SLC38A8: variants seen among roughly 807,000 people sequenced by gnomAD.
The protein encoded by SLC38A8 is solute carrier family 38 member 8, also known as amino acid transporter SLC38A8.
In SLC38A8, 65 loss-of-function variants were observed where a neutral mutation model predicts 46.0. That is an observed-to-expected ratio of 1.41 (90% confidence interval 1.16 to 1.74). The LOEUF is 1.74. Ranked by LOEUF, SLC38A8 falls within the 40% of genes most tolerant of loss-of-function variation. The pLI is 0.00. For missense variants in SLC38A8, 998 were observed against 567.9 expected, an observed-to-expected ratio of 1.76 and a Z score of -7.70; for synonymous variants, 447 against 243.7, an observed-to-expected ratio of 1.83 and a Z score of -7.77.
In SLC38A8 at chr16:84,016,523, G is replaced by C. The variant is rs1365105382; in HGVS notation, c.1158C>G (p.Phe386Leu). 2 of 1,613,530 alleles carry C rather than the reference G, an allele frequency of 1.2e-6. No homozygotes were observed. The highest frequency in any genetic ancestry group is 1.7e-6 in the Non-Finnish European group (2 of 1,179,664). ...CCTGGAAAGCAGGGGCCTCACCTGG[G>C]AAGATGAAGATGAAGAAGGAACTGA... Reference protein sequence around the residue: ...GGISSFFIFIFPGLCLICAMG... With the variant: ...GGISSFFIFILPGLCLICAMG... The change falls in exon 9 of 11, where the codon TTC (phenylalanine) becomes TTG (leucine). Residue 386 changes from phenylalanine to leucine, a missense_variant. Coordinates refer to ENST00000299709, the MANE Select transcript of SLC38A8 (RefSeq NM_001080442.3).
chr16:84,018,088 C>T (rs1278839220), intron 7 of SLC38A8, among the ~76,000 whole-genome samples: 1 of 152,120 alleles, frequency 6.6e-6, no homozygotes, highest in Non-Finnish European at 1.5e-5. Context: ...AAACTTACTT[C>T]CTACAGTTAT....
chr16:84,009,777 C>G lies in SLC38A8; in HGVS notation c.*7G>C, dbSNP rs1001819030. The G allele has an allele frequency of 1.8e-5, 29 of 1,612,934 alleles. No homozygotes were observed. Among genetic ancestry groups the G allele is most frequent in the Non-Finnish European group, 2.4e-5 (28 of 1,179,400 alleles). On this transcript the variant is annotated 3_prime_UTR_variant, in exon 11 of 11. Transcript: ENST00000299709. ...AGGGCCCCTTCCTGCCCGGCACTAG[C>G]TGCCCATCAGAACATCTCCCAGACC...
At chr16:84,026,713 G>A (rs926304423) in intron 6 of SLC38A8, among the ~76,000 whole-genome samples, 5 of 152,202 alleles carry the variant, frequency 3.3e-5, no homozygotes, top group African/African-American at 1.2e-4. Context: ...CCACACAATG[G>A]AATATTATTT....
At chr16:84,014,345 G>A (rs1485936737) in intron 9 of SLC38A8, among the ~76,000 whole-genome samples, 1 of 144,208 alleles carries the variant, frequency 6.9e-6, no homozygotes. Flanking sequence ...CTGAAAGCCC[G>A]GCCCAGAACT....
chr16:84,033,559 G>C lies in SLC38A8; in HGVS notation c.389-90C>G, dbSNP rs529181628. 4 of 1,442,810 alleles carry C rather than the reference G, an allele frequency of 2.8e-6. No individual in the cohort carries two copies. In the South Asian group the frequency reaches 5.6e-5, roughly 20 times the overall value. 89.4% of individuals were successfully genotyped at this position (1,442,810 alleles called of 1,614,324 possible). The stretch of plus-strand genomic sequence containing the variant: ...TGGCCCTTCAACCCTGGCTGGGGTT[G>C]GACATCCACCCTCAGCCAGCCCCAG... On this transcript the variant is annotated intron_variant, in intron 3 of 10. Transcript: ENST00000299709.
At chr16:84,032,930 GTGGGTGTGCA>G (rs1382802572) in intron 4 of SLC38A8, among the ~76,000 whole-genome samples, 1 of 106,566 alleles carries the variant, frequency 9.4e-6, no homozygotes, top group African/African-American at 5.1e-5. Context: ...GTGTGGGTAC[GTGGGTGTGCA>G]TGGGTGGGTG....
At chr16:84,022,713 T>C (rs1597259233) in intron 7 of SLC38A8, 62 bp downstream of exon 7, 2 of 1,263,554 alleles carry the variant, frequency 1.6e-6, no homozygotes, top group Non-Finnish European at 2.3e-6. Flanking sequence ...AGATACTCGC[T>C]GTTACTCTTG....
At chr16:84,015,435 G>C (rs952989999) in intron 9 of SLC38A8, among the ~76,000 whole-genome samples, 5 of 151,954 alleles carry the variant, frequency 3.3e-5, no homozygotes, top group Non-Finnish European at 7.4e-5. Context: ...CATTTGCAGG[G>C]TGCCTTGAGC....
intron 5 of SLC38A8, among the ~76,000 whole-genome samples, chr16:84,031,499 G>A (rs900969252): frequency 6.6e-6 from 1 of 152,188 alleles, no homozygotes; most frequent in Non-Finnish European, 1.5e-5. Context: ...TGTTCCGGCT[G>A]GCTTGGCCAC....
At chr16:84,013,905 G>A (rs1382499732) in intron 9 of SLC38A8, among the ~76,000 whole-genome samples, 2 of 152,154 alleles carry the variant, frequency 1.3e-5, no homozygotes, top group Admixed American at 6.5e-5. Flanking sequence ...TAATCTAACA[G>A]CCCAGACCAG....
chr16:84,012,709 G>T (rs572620081), intron 10 of SLC38A8, among the ~76,000 whole-genome samples: 5 of 152,202 alleles, frequency 3.3e-5, no homozygotes, highest in Admixed American at 3.3e-4. Context: ...ACAAAGGAGG[G>T]TACAGATGCA....
intron 9 of SLC38A8, among the ~76,000 whole-genome samples, chr16:84,015,718 T>C (rs901510825): frequency 1.3e-5 from 2 of 152,188 alleles, no homozygotes; most frequent in African/African-American, 2.4e-5. Context: ...TGGTTTGTTT[T>C]GTTTGAGATG....
At chr16:84,021,848 G>C (rs1428434971) in intron 7 of SLC38A8, among the ~76,000 whole-genome samples, 2 of 152,238 alleles carry the variant, frequency 1.3e-5, no homozygotes, top group Non-Finnish European at 1.5e-5. Flanking sequence ...CATCTGGGGA[G>C]AGCCTTCTTG....
rs2085026294 is a variant in SLC38A8, at chr16:84,016,450, C to T, written c.1162+69G>A. 19 of 1,549,750 alleles carry T rather than the reference C, an allele frequency of 1.2e-5. No individual in the cohort carries two copies. In the Admixed American group the frequency reaches 1.7e-4, roughly 13 times the overall value. On this transcript the variant is annotated intron_variant, in intron 9 of 10. Coordinates refer to ENST00000299709, the MANE Select transcript of SLC38A8 (RefSeq NM_001080442.3). ...CCTTCCAGAACCTTGACCTCCAACA[C>T]TGGGAGTCCCCACAGAGATGAGCAG...
intron 2 of SLC38A8, among the ~76,000 whole-genome samples, chr16:84,040,914 G>C (rs1326714394): frequency 1.3e-5 from 2 of 152,198 alleles, no homozygotes; most frequent in Non-Finnish European, 2.9e-5. Flanking sequence ...CACGGGGCAG[G>C]AGCTCGGCCA....
intron 7 of SLC38A8, among the ~76,000 whole-genome samples, chr16:84,019,193 G>A (rs986450489): frequency 3.3e-5 from 5 of 151,848 alleles, no homozygotes; most frequent in African/African-American, 1.2e-4. Flanking sequence ...TCTTGCCTCA[G>A]CCTCCTGAGT....
intron 5 of SLC38A8, among the ~76,000 whole-genome samples, chr16:84,029,806 AAAACCGC>A (rs1221505253): frequency 2.0e-5 from 3 of 152,224 alleles, no homozygotes; most frequent in Non-Finnish European, 4.4e-5. Context: ...TTTGGGCAGG[AAAACCGC>A]AGTAGGAACT....
intron 7 of SLC38A8, 37 bp downstream of exon 7, chr16:84,022,738 C>A (rs555910422): frequency 3.2e-6 from 5 of 1,541,542 alleles, no homozygotes; most frequent in Non-Finnish European, 4.5e-6. Flanking sequence ...TACTGTCACT[C>A]CCCACCCTCT....
At chr16:84,014,515 C>A (rs1456619707) in intron 9 of SLC38A8, among the ~76,000 whole-genome samples, 1 of 151,540 alleles carries the variant, frequency 6.6e-6, no homozygotes, top group Admixed American at 6.6e-5. Flanking sequence ...CCACCCTAAG[C>A]CCAAGGGAGA....
Sources: gnomAD v4.1 joint callset for allele counts (sites outside exome capture counted in the v4.1 genomes callset) on GRCh38, gnomAD v4.1.1 for gene constraint, MANE v1.5 for transcripts, NCBI Gene and HGNC (gene_info 2026-07-23, HGNC 2026-07-21) for gene names.